The following MYCL variants were observed in gnomAD, a reference collection of about 807,000 sequenced individuals.
MYCL encodes the protein protein L-Myc.
MYCL carries 11 observed loss-of-function variants against 31.0 expected under a neutral mutation model. The ratio of observed to expected loss-of-function variants is 0.35; its 90% confidence interval spans 0.22 to 0.59. MYCL has a LOEUF of 0.59. MYCL is among the 20% of genes least tolerant of loss of function. The pLI, the probability that MYCL is intolerant of heterozygous loss-of-function variation, is 0.79. For synonymous variants in MYCL, 208 were observed against 202.4 expected, an observed-to-expected ratio of 1.03 and a Z score of -0.23; for missense variants, 427 against 486.1, an observed-to-expected ratio of 0.88 and a Z score of 1.14.
chr1:39,899,264 T>A (rs1644512011), intron 1 of MYCL, among the ~76,000 whole-genome samples: 1 of 152,138 alleles, frequency 6.6e-6, no homozygotes, highest in African/African-American at 2.4e-5. Context: ...AACTAGAAGC[T>A]CACAAACAGG....
intron 1 of MYCL, chr1:39,900,278 G>A: frequency 1.0e-6 from 1 of 985,686 alleles, no homozygotes; most frequent in Non-Finnish European, 1.2e-6. Context: ...TTGGGATGGA[G>A]CATTGGGGAA....
chr1:39,901,857 G>A lies in MYCL; in HGVS notation c.-423C>T, dbSNP rs1323504574. On this transcript the variant is annotated 5_prime_UTR_variant, in exon 1 of 2. Coordinates refer to ENST00000372816, the MANE Select transcript of MYCL (RefSeq NM_001033081.3). The surrounding 1 kb of genome is among the most constrained non-coding windows in gnomAD (Gnocchi z 6.9). The stretch of plus-strand genomic sequence containing the variant: ...GAGCGGACCGGCTCCCCGCCGGCTC[G>A]GGGCAGCCCGGCAGCCAGCACACAC... The A allele has an allele frequency of 1.3e-5, 16 of 1,237,444 alleles. No homozygotes were observed. The Admixed American group carries it at 2.7e-4, about 21-fold the overall frequency. The allele number at this position is 1,237,444 out of a possible 1,614,324, so 76.7% of individuals were successfully genotyped here. A position where few individuals can be genotyped will look rare whatever the true frequency, so the allele number is the denominator to read the frequency against.
At chr1:39,900,550 C>T (rs141982114) in intron 1 of MYCL, 15 of 1,173,168 alleles carry the variant, frequency 1.3e-5, no homozygotes, top group Non-Finnish European at 1.6e-5. Flanking sequence ...TTCTTCTCCC[C>T]CTAGGGGAGT....
Position 39,896,027 on chromosome 1 carries a change from G to T in MYCL, c.*1345C>A. The T allele has an allele frequency of 4.6e-6, 1 of 217,084 alleles. No individual in the cohort carries two copies. The highest frequency in any genetic ancestry group is 9.3e-6 in the Non-Finnish European group (1 of 107,694). The allele number at this position is 217,084 out of a possible 1,614,324, so 13.4% of individuals were successfully genotyped here. On this transcript the variant is annotated 3_prime_UTR_variant, in exon 2 of 2. Transcript: ENST00000372816. The stretch of plus-strand genomic sequence containing the variant: ...CAGGACAGGCTTAGAGGTGCCTGAG[G>T]TTACCCACATGACAACTGCTAGGTT...
Position 39,897,767 on chromosome 1 carries a change from G to C in MYCL, c.700C>G (p.Gln234Glu), listed in dbSNP as rs2124715909. The change falls in exon 2 of 2, where the codon CAA (glutamine) becomes GAA (glutamate). Residue 234 changes from glutamine to glutamate, a missense_variant. By Grantham distance (29) the Gln-to-Glu change is conservative. Transcript: ENST00000372816. The surrounding 1 kb of genome is among the most constrained non-coding windows in gnomAD (Gnocchi z 4.3). ...SQEEASERGP[Q>E]EEVLERDAAG... ...GCATCTCTCTCCAGAACCTCTTCTT[G>C]GGGACCCCTCTCTGAAGCCTCTTCT... The C allele has an allele frequency of 1.2e-6, 2 of 1,614,064 alleles. No homozygotes were observed. The highest frequency in any genetic ancestry group is 1.7e-6 in the Non-Finnish European group (2 of 1,180,012).
chr1:39,901,891 G>C lies in MYCL; in HGVS notation c.-457C>G. On this transcript the variant is annotated 5_prime_UTR_variant, in exon 1 of 2. Transcript: ENST00000372816. This position sits in a 1 kb window ranked among gnomAD's most constrained non-coding sequence, Gnocchi z 6.9. ...CGGCAGCCAGCACACACGCACATGC[G>C]CGCCGCCGAGAGCGCGGCCCGCACT... 1 of 1,156,036 alleles carries C rather than the reference G, an allele frequency of 8.7e-7. No homozygotes were observed. The highest frequency in any genetic ancestry group is 1.1e-6 in the Non-Finnish European group (1 of 938,864). The allele number at this position is 1,156,036 out of a possible 1,614,324, so 71.6% of individuals were successfully genotyped here.
rs1644477282 is a variant in MYCL at position 39,895,795 on chromosome 1, A to G, written c.*1577T>C. The G allele has an allele frequency of 4.5e-6, 1 of 224,190 alleles. No homozygotes were observed. Among genetic ancestry groups the G allele is most frequent in the South Asian group, 1.8e-4 (1 of 5,448 alleles). The allele number at this position is 224,190 out of a possible 1,614,324, so 13.9% of individuals were successfully genotyped here. A position where few individuals can be genotyped will look rare whatever the true frequency, so the allele number is the denominator to read the frequency against. ...CATGCTCCAGAAGGGTAGAGAGGCT[A>G]TTTCCAAACATCCCCTGGGGTCCTC... On this transcript the variant is annotated 3_prime_UTR_variant, in exon 2 of 2. Coordinates refer to ENST00000372816, the MANE Select transcript of MYCL (RefSeq NM_001033081.3).
chr1:39,901,001 G>T lies in MYCL; in HGVS notation c.434C>A (p.Pro145His), dbSNP rs1193271956. ...LEAGNPAPAA[P>H]CPLGEPKTQA... ...GGTCTTGGGTTCGCCCAGCGGACAGGGGGCGGCGGGCGCCGGGTTGCCGGC... is the reference window on the plus strand; with the variant it reads ...GGTCTTGGGTTCGCCCAGCGGACAGTGGGCGGCGGGCGCCGGGTTGCCGGC... Residue 145 changes from proline to histidine, a missense_variant, in exon 1 of 2, where the codon CCC (proline) becomes CAC (histidine). Transcript: ENST00000372816. This position sits in a 1 kb window ranked among gnomAD's most constrained non-coding sequence, Gnocchi z 6.9. The T allele has an allele frequency of 1.3e-6, 2 of 1,487,970 alleles. No homozygotes were observed. The highest frequency in any genetic ancestry group is 1.8e-6 in the Non-Finnish European group (2 of 1,120,184). 92.2% of individuals were successfully genotyped at this position (1,487,970 alleles called of 1,614,324 possible). A position where few individuals can be genotyped will look rare whatever the true frequency, so the allele number is the denominator to read the frequency against.
At position 39,897,848 on chromosome 1, in the gene MYCL, T is replaced by C. The variant is rs775455678; in HGVS notation, c.619A>G (p.Ile207Val). The C allele has an allele frequency of 1.9e-6, 3 of 1,614,046 alleles. No homozygotes were observed. Among genetic ancestry groups the C allele is most frequent in the African/African-American group, 1.3e-5 (1 of 74,914 alleles). The change falls in exon 2 of 2, where the codon ATC becomes GTC. Residue 207 changes from isoleucine (I) to valine (V), a missense_variant. Transcript: ENST00000372816. This position sits in a 1 kb window ranked among gnomAD's most constrained non-coding sequence, Gnocchi z 4.3. ...DPCMKHFHIS[I>V]HQQQHNYAAR... ...GCATAGTTGTGCTGTTGCTGATGGATGGAGATGTGGAAATGCTTCATGCAG... is the reference window on the plus strand; with the variant it reads ...GCATAGTTGTGCTGTTGCTGATGGACGGAGATGTGGAAATGCTTCATGCAG...
Position 39,901,466 on chromosome 1 carries a change from T to A in MYCL, c.-32A>T, listed in dbSNP as rs1162541722. On this transcript the variant is annotated 5_prime_UTR_variant, in exon 1 of 2. Transcript: ENST00000372816. This position sits in a 1 kb window ranked among gnomAD's most constrained non-coding sequence, Gnocchi z 6.9. ...TCCCTGCGGGAGGGAAGGGGGGACG[T>A]GCTGACCGGGTGCCGGCCGGGCGAA... The A allele has an allele frequency of 1.3e-6, 2 of 1,599,758 alleles. No individual in the cohort carries two copies. Among genetic ancestry groups the A allele is most frequent in the South Asian group, 2.2e-5 (2 of 90,308 alleles).
At position 39,901,473 on chromosome 1, in the gene MYCL, C is replaced by T. The variant is rs746343072; in HGVS notation, c.-39G>A. On this transcript the variant is annotated 5_prime_UTR_variant, in exon 1 of 2. Transcript: ENST00000372816. This position sits in a 1 kb window ranked among gnomAD's most constrained non-coding sequence, Gnocchi z 6.9. ...GGGAGGGAAGGGGGGACGTGCTGAC[C>T]GGGTGCCGGCCGGGCGAAGGAGGTG... 3.8e-6 allele frequency: 6 copies of T among 1,594,872 alleles called. No individual in the cohort carries two copies. Among genetic ancestry groups the T allele is most frequent in the South Asian group, 1.1e-5 (1 of 89,714 alleles).
intron 1 of MYCL, chr1:39,900,140 C>T (rs1042800091): frequency 2.0e-6 from 2 of 985,442 alleles, no homozygotes; most frequent in South Asian, 4.7e-5. Flanking sequence ...GAGCAGCTGA[C>T]GCTGGAGATC....
chr1:39,898,969 A>C, intron 1 of MYCL: 1 of 980,978 alleles, frequency 1.0e-6, no homozygotes, highest in Non-Finnish European at 1.2e-6. Flanking sequence ...TCGCAAAGGA[A>C]GAGCTCCGTT....
rs747541154 is a variant in MYCL at position 39,897,578 on chromosome 1, G to T, written c.889C>A (p.Leu297Met). ...CTCAGCGCCAAGAATCGCGAACGCA[G>T]GTCATTCCGCCTCTTGCGCTCCAGG... The part of the protein sequence containing the change: ...NFLERKRRND[L>M]RSRFLALRDQ... Residue 297 changes from leucine (L) to methionine (M), a missense_variant, in exon 2 of 2, where the codon CTG becomes ATG. By Grantham distance (15) the Leu-to-Met change is conservative. Transcript: ENST00000372816. The surrounding 1 kb of genome is among the most constrained non-coding windows in gnomAD (Gnocchi z 4.3). 6.2e-7 allele frequency: 1 copy of T among 1,614,238 alleles called. No individual in the cohort carries two copies. The highest frequency in any genetic ancestry group is 1.3e-5 in the African/African-American group (1 of 75,062).
In MYCL at chr1:39,896,936, G is replaced by A; in HGVS notation, c.*436C>T. Reference sequence around the variant, plus strand: ...GCCTCAGGGAGAGCATCCAGGCCCAGCTGTCCTTGCATCACCCCAGAGACA... The same window carrying A: ...GCCTCAGGGAGAGCATCCAGGCCCAACTGTCCTTGCATCACCCCAGAGACA... On this transcript the variant is annotated 3_prime_UTR_variant, in exon 2 of 2. Coordinates refer to ENST00000372816, the MANE Select transcript of MYCL (RefSeq NM_001033081.3). 1 of 204,584 alleles carries A rather than the reference G, an allele frequency of 4.9e-6. No individual in the cohort carries two copies. Among genetic ancestry groups the A allele is most frequent in the Non-Finnish European group, 1.0e-5 (1 of 98,594 alleles). The allele number at this position is 204,584 out of a possible 1,614,324, so 12.7% of individuals were successfully genotyped here.
Position 39,901,421 on chromosome 1 carries a change from G to A in MYCL, c.14C>T (p.Ser5Leu), listed in dbSNP as rs1225122779. 2 of 1,612,548 alleles carry A rather than the reference G, an allele frequency of 1.2e-6. No individual in the cohort carries two copies. The highest frequency in any genetic ancestry group is 4.5e-5 in the East Asian group (2 of 44,844). The part of the protein sequence containing the change: MDYD[S>L]YQHYFYDYDC... ...ATAGTCGTAGAAATAGTGCTGGTACGAGTCGTAGTCCATGTCCGCTCCCTG... is the reference window on the plus strand; with the variant it reads ...ATAGTCGTAGAAATAGTGCTGGTACAAGTCGTAGTCCATGTCCGCTCCCTG... The change falls in exon 1 of 2, where the codon TCG (serine) becomes TTG (leucine). Residue 5 changes from serine to leucine, a missense_variant. Physicochemically the swap from Ser to Leu is moderately radical, Grantham distance 145. Transcript: ENST00000372816. The surrounding 1 kb of genome is among the most constrained non-coding windows in gnomAD (Gnocchi z 6.9).
intron 1 of MYCL, 24 bp downstream of exon 1, chr1:39,900,915 T>C (rs748863361): frequency 8.2e-5 from 123 of 1,507,352 alleles, no homozygotes; most frequent in Middle Eastern, 3.6e-4. Flanking sequence ...GGCCCCCTCT[T>C]GGATGGCTCG....
Position 39,897,817 on chromosome 1 carries a change from C to T in MYCL, c.650G>A (p.Arg217His), listed in dbSNP as rs749442938. Residue 217 changes from arginine to histidine, a missense_variant, in exon 2 of 2, where the codon CGT becomes CAT. Coordinates refer to ENST00000372816, the MANE Select transcript of MYCL (RefSeq NM_001033081.3). This position sits in a 1 kb window ranked among gnomAD's most constrained non-coding sequence, Gnocchi z 4.3. Reference sequence around the variant, plus strand: ...TTGGGAGCAGCTTTCTGGAGGAAAACGGGCAGCATAGTTGTGCTGTTGCTG... The same window carrying T: ...TTGGGAGCAGCTTTCTGGAGGAAAATGGGCAGCATAGTTGTGCTGTTGCTG... ...IHQQQHNYAA[R>H]FPPESCSQEE... is the part of the protein sequence containing the mutation. 18 of 1,614,038 alleles carry T rather than the reference C, an allele frequency of 1.1e-5. No homozygotes were observed. The highest frequency in any genetic ancestry group is 2.2e-5 in the East Asian group (1 of 44,888).
intron 1 of MYCL, 64 bp downstream of exon 1, chr1:39,900,875 C>T (rs540814949): frequency 6.6e-7 from 1 of 1,511,916 alleles, no homozygotes; most frequent in Non-Finnish European, 8.8e-7. Flanking sequence ...TGACCTCAGG[C>T]AGGGGCAGAG....
Sources: gnomAD v4.1 joint callset for allele counts (sites outside exome capture counted in the v4.1 genomes callset) on GRCh38, gnomAD v4.1.1 for gene constraint, Gnocchi (gnomAD v3.1) non-coding constraint, MANE v1.5 for transcripts, NCBI Gene and HGNC (gene_info 2026-07-23, HGNC 2026-07-21) for gene names.